Variants in TRARG1 observed in about 807,000 individuals in gnomAD.
TRARG1 encodes the protein trafficking regulator of GLUT4 (SLC2A4) 1 (gene/pseudogene).
TRARG1 carries 16 observed loss-of-function variants against 13.3 expected under a neutral mutation model. The ratio of observed to expected loss-of-function variants is 1.20; its 90% confidence interval spans 0.81 to 1.83. TRARG1 has a LOEUF of 1.83. Among genes scored for constraint, TRARG1 ranks in the 40% most tolerant of loss-of-function variants. TRARG1 has a pLI of 0.00. For synonymous variants in TRARG1, 113 were observed against 106.2 expected, an observed-to-expected ratio of 1.06 and a Z score of -0.39; for missense variants, 250 against 237.4, an observed-to-expected ratio of 1.05 and a Z score of -0.35.
chr17:1,296,937 G>A (rs567872968), intron 2 of TRARG1, among the ~76,000 whole-genome samples: 5 of 151,950 alleles, frequency 3.3e-5, no homozygotes, highest in Admixed American at 1.3e-4. Flanking sequence ...GAGCCACCGC[G>A]CCTGGCCCAG....
intron 1 of TRARG1, 108 bp from the exon 2 acceptor site, chr17:1,295,383 G>T: frequency 2.9e-6 from 4 of 1,378,086 alleles, no homozygotes; most frequent in Non-Finnish European, 3.9e-6. Context: ...GGGACGGGAT[G>T]TGTCTGGAGG....
In TRARG1 at chr17:1,293,347, C is replaced by T. The variant is rs375473423; in HGVS notation, c.388-2144C>T. On this transcript the variant is annotated intron_variant, in intron 1 of 2. Transcript: ENST00000333813. ...GCTTTGTAACAGAGGGCAGAGGAGC[C>T]GTCACGGAGAGGGAGGAGCGGAGCT... 7.9e-5 allele frequency among the ~76,000 whole-genome samples: 12 copies of T among 151,356 alleles called. No individual in the cohort carries two copies. The East Asian group carries it at 1.2e-3, about 15-fold the overall frequency.
chr17:1,292,940 C>A (rs1017608066), intron 1 of TRARG1, among the ~76,000 whole-genome samples: 1 of 152,134 alleles, frequency 6.6e-6, no homozygotes, highest in Non-Finnish European at 1.5e-5. Flanking sequence ...CAGTGTGAAT[C>A]GGGGGCGTGG....
Position 1,282,259 on chromosome 17 carries a change from T to A in TRARG1, c.387+1871T>A, listed in dbSNP as rs2071985749. Reference sequence around the variant, plus strand: ...ACGTATATGCACGTATATGTACGTATATGTACATATATGCACGTATATGTA... The same window carrying A: ...ACGTATATGCACGTATATGTACGTAAATGTACATATATGCACGTATATGTA... On this transcript the variant is annotated intron_variant, in intron 1 of 2. Transcript: ENST00000333813. Among the ~76,000 whole-genome samples, 4 of 145,626 alleles carry A rather than the reference T, an allele frequency of 2.7e-5. No individual in the cohort carries two copies. The South Asian group carries it at 8.3e-4, about 30-fold the overall frequency.
chr17:1,282,384 A>T (rs1420657156), intron 1 of TRARG1, among the ~76,000 whole-genome samples: 1 of 88,958 alleles, frequency 1.1e-5, no homozygotes, highest in African/African-American at 4.7e-5. Context: ...ATGTATATAT[A>T]TTTTAAGACA....
intron 1 of TRARG1, among the ~76,000 whole-genome samples, chr17:1,284,969 C>T (rs980732389): frequency 1.3e-5 from 2 of 152,066 alleles, no homozygotes; most frequent in Non-Finnish European, 2.9e-5. Context: ...CGTGAGCCAC[C>T]ACACCCGGCT....
chr17:1,297,917 A>T (rs1206411454), intron 2 of TRARG1, among the ~76,000 whole-genome samples: 1 of 152,108 alleles, frequency 6.6e-6, no homozygotes, highest in East Asian at 1.9e-4. Flanking sequence ...AGTGGTGCAC[A>T]TTTTAATCAG....
chr17:1,290,670 TCTG>T (rs886371722), intron 1 of TRARG1, among the ~76,000 whole-genome samples: 6 of 152,166 alleles, frequency 3.9e-5, no homozygotes, highest in African/African-American at 1.4e-4. Flanking sequence ...TGGTCTGTGC[TCTG>T]CCCCCATCTC....
chr17:1,281,553 G>A (rs1643442272), intron 1 of TRARG1, among the ~76,000 whole-genome samples: 1 of 152,160 alleles, frequency 6.6e-6, no homozygotes, highest in African/African-American at 2.4e-5. Flanking sequence ...GGACATCAGG[G>A]GGCACTGGCA....
chr17:1,285,238 C>T (rs984625204), intron 1 of TRARG1, among the ~76,000 whole-genome samples: 5 of 151,764 alleles, frequency 3.3e-5, no homozygotes, highest in African/African-American at 9.7e-5. Flanking sequence ...GGTGAAACCC[C>T]GTTTCTACTA....
At position 1,298,309 on chromosome 17, in the gene TRARG1, G is replaced by A. The variant is rs758694880; in HGVS notation, c.*45G>A. 29 of 1,608,898 alleles carry A rather than the reference G, an allele frequency of 1.8e-5. No homozygotes were observed. The highest frequency in any genetic ancestry group is 4.0e-5 in the African/African-American group (3 of 74,804). ...CTAGCAGAGGCCGGCCCTGGCCATC[G>A]GGAGAGCTCTGACCTGCACACCGCG... On this transcript the variant is annotated 3_prime_UTR_variant, in exon 3 of 3. Coordinates refer to ENST00000333813, the MANE Select transcript of TRARG1 (RefSeq NM_172367.3).
chr17:1,290,139 T>C (rs556031118), intron 1 of TRARG1, among the ~76,000 whole-genome samples: 1 of 152,348 alleles, frequency 6.6e-6, no homozygotes, highest in Middle Eastern at 3.4e-3. Flanking sequence ...TTCCAGTCTT[T>C]GAAACTGTCT....
At chr17:1,285,963 C>G (rs1299848848) in intron 1 of TRARG1, among the ~76,000 whole-genome samples, 1 of 152,158 alleles carries the variant, frequency 6.6e-6, no homozygotes, top group East Asian at 1.9e-4. Context: ...GTTCAATGAG[C>G]ATGGAAGCAT....
chr17:1,297,239 A>AG, intron 2 of TRARG1, among the ~76,000 whole-genome samples: 1 of 152,178 alleles, frequency 6.6e-6, no homozygotes, highest in Admixed American at 6.6e-5. Flanking sequence ...GGACTTTAAT[A>AG]AGACTCCCAG....
chr17:1,291,607 G>A (rs1392087956), intron 1 of TRARG1, among the ~76,000 whole-genome samples: 9 of 152,128 alleles, frequency 5.9e-5, no homozygotes, highest in Non-Finnish European at 1.0e-4. Context: ...CTTTATTAGC[G>A]GTGTGAGAAC....
chr17:1,295,021 G>A (rs1188947989), intron 1 of TRARG1, among the ~76,000 whole-genome samples: 4 of 152,140 alleles, frequency 2.6e-5, no homozygotes, highest in African/African-American at 9.7e-5. Context: ...GGTGGGGGGT[G>A]CTTACAGAGG....
chr17:1,283,701 C>G (rs565636493), intron 1 of TRARG1, among the ~76,000 whole-genome samples: 1 of 151,848 alleles, frequency 6.6e-6, no homozygotes, highest in African/African-American at 2.4e-5. Context: ...CCCAGCTACT[C>G]GGGAGGCTGA....
intron 1 of TRARG1, among the ~76,000 whole-genome samples, chr17:1,282,442 C>T (rs1191870915): frequency 1.3e-5 from 2 of 151,620 alleles, no homozygotes; most frequent in East Asian, 3.9e-4. Flanking sequence ...GCGATCTCGG[C>T]TCACTGCAAC....
intron 1 of TRARG1, 94 bp from the exon 2 acceptor site, chr17:1,295,397 A>C: frequency 6.9e-7 from 1 of 1,454,464 alleles, no homozygotes. Context: ...CTGGAGGCCC[A>C]GGCTCAGGGC....
Sources: gnomAD v4.1 joint callset for allele counts (sites outside exome capture counted in the v4.1 genomes callset) on GRCh38, gnomAD v4.1.1 for gene constraint, MANE v1.5 for transcripts, NCBI Gene and HGNC (gene_info 2026-07-23, HGNC 2026-07-21) for gene names.